The following ZNF652 variants were observed in gnomAD, a reference collection of about 807,000 sequenced individuals.
ZNF652 encodes zinc finger protein 652.
Under a neutral mutation model 45.2 loss-of-function variants are expected in ZNF652, and 16 were observed. The observed-to-expected ratio is 0.35, with a 90% CI of 0.24 to 0.54. ZNF652 has a LOEUF of 0.54. Among genes scored for constraint, ZNF652 ranks in the 20% least tolerant of loss-of-function variants. The pLI, the probability that ZNF652 is intolerant of heterozygous loss-of-function variation, is 0.91. For missense variants in ZNF652, 614 were observed against 765.6 expected, an observed-to-expected ratio of 0.80 and a Z score of 2.34; for synonymous variants, 250 against 260.6, an observed-to-expected ratio of 0.96 and a Z score of 0.39.
intron 1 of ZNF652, among the ~76,000 whole-genome samples, chr17:49,351,544 G>A (rs1389502981): frequency 1.3e-5 from 2 of 151,890 alleles, no homozygotes; most frequent in African/African-American, 4.8e-5. Context: ...ATGTGAGGAT[G>A]GTGTCATGCA....
At chr17:49,311,804 G>T in intron 4 of ZNF652, 123 bp downstream of exon 4, 1 of 765,524 alleles carries the variant, frequency 1.3e-6, no homozygotes, top group Non-Finnish European at 2.1e-6. Context: ...CAGAACACAT[G>T]TCTGAAAGTT....
Position 49,349,459 on chromosome 17 carries a change from C to T in ZNF652, c.-259+12450G>A, listed in dbSNP as rs188702224. Among the ~76,000 whole-genome samples, 3 of 152,154 alleles carry T rather than the reference C, an allele frequency of 2.0e-5. No individual in the cohort carries two copies. The East Asian group carries it at 5.8e-4, about 29-fold the overall frequency. On this transcript the variant is annotated intron_variant, in intron 1 of 5. Coordinates refer to ENST00000430262, the MANE Select transcript of ZNF652 (RefSeq NM_001145365.3). ...CAGTGAGTTTGGATGCCATGGTTTG[C>T]CATAGCAGGGATTCTTTGCATTGGT...
Position 49,316,977 on chromosome 17 carries a change from C to T in ZNF652, c.749G>A (p.Cys250Tyr), listed in dbSNP as rs1163098153. 3 of 1,614,164 alleles carry T rather than the reference C, an allele frequency of 1.9e-6. No homozygotes were observed. The highest frequency in any genetic ancestry group is 2.5e-6 in the Non-Finnish European group (3 of 1,180,030). Residue 250 changes from cysteine to tyrosine, a missense_variant, in exon 2 of 6, where the codon TGC (cysteine) becomes TAC (tyrosine). Physicochemically the swap from Cys to Tyr is radical, Grantham distance 194 (BLOSUM62 -2). This residue lies in a region of ZNF652 where 262 missense variants were observed against 306.3 expected (regional missense o/e 0.86). Coordinates refer to ENST00000430262, the MANE Select transcript of ZNF652 (RefSeq NM_001145365.3). Reference sequence around the variant, plus strand: ...CCAGCGAGTGTTAAATACCCTGGGGCACTTCTCACAGGTCAGAGTCTCTTT... The same window carrying T: ...CCAGCGAGTGTTAAATACCCTGGGGTACTTCTCACAGGTCAGAGTCTCTTT... ...EEKETLTCEK[C>Y]PRVFNTRWYL...
At chr17:49,341,943 T>C (rs960277830) in intron 1 of ZNF652, among the ~76,000 whole-genome samples, 1 of 152,178 alleles carries the variant, frequency 6.6e-6, no homozygotes. Context: ...CCCAGCACTT[T>C]GGGAGGCCAA....
intron 1 of ZNF652, among the ~76,000 whole-genome samples, chr17:49,356,429 CAAA>C (rs35374808): frequency 4.7e-5 from 2 of 42,346 alleles, no homozygotes; most frequent in South Asian, 3.0e-3. Flanking sequence ...ACTCTGTCTG[CAAA>C]AAAAAAAAAA....
At chr17:49,356,332 G>A (rs1281389270) in intron 1 of ZNF652, among the ~76,000 whole-genome samples, 1 of 145,958 alleles carries the variant, frequency 6.9e-6, no homozygotes, top group Non-Finnish European at 1.5e-5. Context: ...GGGAGGCTGA[G>A]GCATGAGAAT....
At chr17:49,329,073 T>C (rs1282136201) in intron 1 of ZNF652, among the ~76,000 whole-genome samples, 1 of 152,224 alleles carries the variant, frequency 6.6e-6, no homozygotes, top group Non-Finnish European at 1.5e-5. Flanking sequence ...AATTTTATCC[T>C]TAGCTGGTGA....
chr17:49,307,578 TA>T (rs2069649243), intron 5 of ZNF652, among the ~76,000 whole-genome samples: 1 of 95,832 alleles, frequency 1.0e-5, no homozygotes, highest in African/African-American at 4.3e-5. Context: ...CCATCTCTAC[TA>T]AAAATACAAA....
chr17:49,349,678 G>A (rs1024188023), intron 1 of ZNF652, among the ~76,000 whole-genome samples: 10 of 152,144 alleles, frequency 6.6e-5, no homozygotes, highest in African/African-American at 2.4e-4. Context: ...ACAAAAGTTG[G>A]CTATTTTCCA....
intron 1 of ZNF652, among the ~76,000 whole-genome samples, chr17:49,343,719 G>A (rs1437685736): frequency 6.6e-6 from 1 of 150,416 alleles, no homozygotes; most frequent in African/African-American, 2.5e-5. Flanking sequence ...AACCAAGGAT[G>A]TGACCGAGCA....
chr17:49,337,359 AAAG>A (rs1484738797), intron 1 of ZNF652, among the ~76,000 whole-genome samples: 2 of 151,882 alleles, frequency 1.3e-5, no homozygotes, highest in East Asian at 1.9e-4. Context: ...AAAAAAGAAA[AAAG>A]AAAAATTAAA....
chr17:49,330,618 G>GGTTTACAGGT (rs1343519136), intron 1 of ZNF652, among the ~76,000 whole-genome samples: 3 of 151,834 alleles, frequency 2.0e-5, no homozygotes, highest in African/African-American at 7.3e-5. Context: ...CAAAGCGTTA[G>GGTTTACAGGT]GTTTACAGGT....
chr17:49,298,340 G>A lies in ZNF652; in HGVS notation c.*73C>T. On this transcript the variant is annotated 3_prime_UTR_variant, in exon 6 of 6. Coordinates refer to ENST00000430262, the MANE Select transcript of ZNF652 (RefSeq NM_001145365.3). ...AGGAGAGTCTGAGAACTAAGGAAAT[G>A]CTCACCGACTCCCTCTGTGCACGCT... is the stretch of plus-strand genomic sequence containing the variant. 6.4e-7 allele frequency: 1 copy of A among 1,571,012 alleles called. No homozygotes were observed. Among genetic ancestry groups the A allele is most frequent in the South Asian group, 1.2e-5 (1 of 84,892 alleles).
At chr17:49,343,860 G>A (rs2070174699) in intron 1 of ZNF652, among the ~76,000 whole-genome samples, 1 of 151,948 alleles carries the variant, frequency 6.6e-6, no homozygotes, top group South Asian at 2.1e-4. Flanking sequence ...TTCAAGACCA[G>A]CCTCGGCAAC....
intron 1 of ZNF652, among the ~76,000 whole-genome samples, chr17:49,331,106 G>A (rs1182228381): frequency 6.7e-6 from 1 of 149,090 alleles, no homozygotes; most frequent in Non-Finnish European, 1.5e-5. Context: ...AAAAGAAAAG[G>A]GCTTATGAAT....
rs1016166762 is a variant in ZNF652, at chr17:49,342,007, G to A, written c.-259+19902C>T. 7.9e-5 allele frequency among the ~76,000 whole-genome samples: 12 copies of A among 152,114 alleles called. No homozygotes were observed. The East Asian group carries it at 9.7e-4, about 12-fold the overall frequency. On this transcript the variant is annotated intron_variant, in intron 1 of 5. Transcript: ENST00000430262. ...TCGAGACCAGCCTGACCAATATGGC[G>A]AAACCCCATCTCTACTAAAAGTACA...
At chr17:49,308,977 G>A (rs960039173) in intron 5 of ZNF652, among the ~76,000 whole-genome samples, 6 of 151,490 alleles carry the variant, frequency 4.0e-5, no homozygotes, top group Admixed American at 2.6e-4. Context: ...AACATTTAAG[G>A]GTCTAAAAAA....
intron 1 of ZNF652, among the ~76,000 whole-genome samples, chr17:49,359,153 T>C (rs2070367523): frequency 6.6e-6 from 1 of 152,198 alleles, no homozygotes; most frequent in African/African-American, 2.4e-5. Context: ...TACTACAAAG[T>C]ATATACAAAG....
chr17:49,313,532 C>T (rs772111756), intron 2 of ZNF652, among the ~76,000 whole-genome samples: 106 of 152,046 alleles, frequency 7.0e-4, no homozygotes, highest in Admixed American at 2.0e-3. Flanking sequence ...AGTGTGGCTG[C>T]CTCCTCCACA....
Sources: gnomAD v4.1 joint callset for allele counts (sites outside exome capture counted in the v4.1 genomes callset) on GRCh38, gnomAD v4.1.1 for gene constraint, gnomAD v4.1.1 regional missense constraint, MANE v1.5 for transcripts, NCBI Gene and HGNC (gene_info 2026-07-23, HGNC 2026-07-21) for gene names.